Variants in GARIN1A observed in about 807,000 individuals in gnomAD.
The protein encoded by GARIN1A is golgi associated RAB2 interactor 1A.
chr7:128,706,540 T>G, the GARIN1A span, among the ~76,000 whole-genome samples: 2 of 152,144 alleles, frequency 1.3e-5, no homozygotes, highest in African/African-American at 2.4e-5. Context: ...TTTTGATATC[T>G]CCAGTTTCAG....
chr7:128,674,042 C>T, the GARIN1A span, among the ~76,000 whole-genome samples: 1 of 152,054 alleles, frequency 6.6e-6, no homozygotes, highest in Non-Finnish European at 1.5e-5. Context: ...CACAGGCGTG[C>T]ACCACCTCGC....
the GARIN1A span, chr7:128,686,973 C>T: frequency 6.6e-6 from 1 of 152,250 alleles, no homozygotes; most frequent in Admixed American, 6.5e-5. Flanking sequence ...TCCAGCCTCT[C>T]CACTGGCCAC....
chr7:128,686,889 AT>A, the GARIN1A span: 26,463 of 122,982 alleles, frequency 0.22, 2,464 homozygotes, highest in East Asian at 0.44. Context: ...AAAAAAAAAA[AT>A]ATATCTGACT....
the GARIN1A span, chr7:128,690,358 C>T: frequency 6.4e-6 from 1 of 155,338 alleles, no homozygotes; most frequent in Non-Finnish European, 1.4e-5. Flanking sequence ...GTCCTATGAC[C>T]CTGCCAAATC....
At chr7:128,688,646 T>G in the GARIN1A span, among the ~76,000 whole-genome samples, 6 of 152,188 alleles carry the variant, frequency 3.9e-5, no homozygotes, top group East Asian at 7.7e-4. Flanking sequence ...TGTGATCTTC[T>G]TTTGACTGGG....
the GARIN1A span, among the ~76,000 whole-genome samples, chr7:128,682,622 C>T: frequency 1.3e-5 from 2 of 152,082 alleles, no homozygotes; most frequent in Non-Finnish European, 1.5e-5. Flanking sequence ...CACTCTGTCA[C>T]GTAGGCTGGA....
the GARIN1A span, among the ~76,000 whole-genome samples, chr7:128,695,041 G>A: frequency 1.3e-5 from 2 of 152,196 alleles, no homozygotes; most frequent in Admixed American, 6.5e-5. This position sits in a 1 kb window ranked among gnomAD's most constrained non-coding sequence, Gnocchi z 4.5. Context: ...TGCAAACAAT[G>A]AGAAGCCAAT....
chr7:128,690,787 G>A, the GARIN1A span: 1 of 152,152 alleles, frequency 6.6e-6, no homozygotes, highest in Admixed American at 6.5e-5. Context: ...AAAAGTGAAG[G>A]CAATATCCAG....
the GARIN1A span, chr7:128,687,669 A>G: frequency 2.5e-4 from 38 of 152,288 alleles, no homozygotes; most frequent in African/African-American, 6.5e-4. Flanking sequence ...AAGCGTGTCA[A>G]ATTTCAAGTC....
At chr7:128,677,642 A>C in the GARIN1A span, 1 of 1,613,788 alleles carries the variant, frequency 6.2e-7, no homozygotes, top group African/African-American at 1.3e-5. Flanking sequence ...CAGTGACCGA[A>C]AAGATCTACT....
chr7:128,703,029 A>G, the GARIN1A span, among the ~76,000 whole-genome samples: 1 of 152,244 alleles, frequency 6.6e-6, no homozygotes, highest in Non-Finnish European at 1.5e-5. Context: ...GTAAAAATAG[A>G]GCTTCAAAAT....
the GARIN1A span, chr7:128,683,398 T>C: frequency 2.9e-5 from 10 of 345,892 alleles, no homozygotes; most frequent in Non-Finnish European, 5.2e-5. Context: ...TTTGGAAAAA[T>C]AGGTGGGAAA....
the GARIN1A span, among the ~76,000 whole-genome samples, chr7:128,699,273 C>CA: frequency 9.9e-6 from 1 of 101,308 alleles, no homozygotes; most frequent in African/African-American, 3.7e-5. Context: ...CCCCCCCCCC[C>CA]ACCACCAAAA....
chr7:128,683,056 G>T, the GARIN1A span: 3 of 1,611,286 alleles, frequency 1.9e-6, no homozygotes, highest in Non-Finnish European at 2.5e-6. Context: ...ATACCCATGA[G>T]AGCTGCCTTG....
the GARIN1A span, among the ~76,000 whole-genome samples, chr7:128,681,461 C>CCCTCCCCT: frequency 9.3e-6 from 1 of 107,350 alleles, no homozygotes; most frequent in Non-Finnish European, 1.9e-5. Flanking sequence ...CCCTCCCCTC[C>CCCTCCCCT]CCTCCCCTCT....
the GARIN1A span, chr7:128,680,221 C>A: frequency 1.3e-6 from 1 of 782,762 alleles, no homozygotes; most frequent in Admixed American, 3.1e-5. Flanking sequence ...GAACCTATCT[C>A]AGTTCCTTCT....
chr7:128,690,646 C>G, the GARIN1A span: 1 of 152,104 alleles, frequency 6.6e-6, no homozygotes, highest in East Asian at 1.9e-4. Context: ...TTTAAAAAAT[C>G]TTTTTCCACA....
chr7:128,675,832 G>C, the GARIN1A span: 14 of 1,613,480 alleles, frequency 8.7e-6, no homozygotes, highest in Non-Finnish European at 1.2e-5. Flanking sequence ...AGCACACCTG[G>C]TGACGCCCCA....
chr7:128,674,875 A>G, the GARIN1A span, among the ~76,000 whole-genome samples: 1 of 152,180 alleles, frequency 6.6e-6, no homozygotes, highest in Non-Finnish European at 1.5e-5. Context: ...AGGGAAGATC[A>G]CTTGAGCCCA....
Sources: allele counts gnomAD v4.1 joint callset (sites outside exome capture counted in the v4.1 genomes callset), GRCh38; gene constraint gnomAD v4.1.1; non-coding constraint Gnocchi (gnomAD v3.1); transcripts MANE v1.5; gene names NCBI Gene and HGNC (gene_info 2026-07-23, HGNC 2026-07-21).